The following VSX2 variants were observed in gnomAD, a reference collection of about 807,000 sequenced individuals.
The protein encoded by VSX2 is ceh-10 homeo domain containing homolog.
VSX2 carries 28 observed loss-of-function variants against 32.1 expected under a neutral mutation model. That is an observed-to-expected ratio of 0.87 (90% CI 0.65 to 1.20). The LOEUF (loss-of-function observed/expected upper bound fraction) is 1.20. Ranked by LOEUF, VSX2 falls within the 50% of genes most tolerant of loss-of-function variation. The pLI is 0.00. For missense variants in VSX2, 506 were observed against 488.7 expected (o/e 1.04, Z -0.33); for synonymous variants, 243 against 214.1 (o/e 1.14, Z -1.18).
chr14:74,261,008 G>A lies in VSX2; in HGVS notation c.*89G>A, dbSNP rs550948987. On this transcript the variant is annotated 3_prime_UTR_variant, in exon 5 of 5. Transcript: ENST00000261980. ...GAGATGCTCTCTGAGGCAAGGCCCA[G>A]ACCTGGCCTCTGCCATCCTCCCTGT... 7.1e-5 allele frequency: 104 copies of A among 1,471,798 alleles called. No individual in the cohort carries two copies. The highest frequency in any genetic ancestry group is 9.5e-5 in the Non-Finnish European group (103 of 1,083,070). The allele number at this position is 1,471,798 out of a possible 1,614,324, so 91.2% of individuals were successfully genotyped here.
intron 3 of VSX2, among the ~76,000 whole-genome samples, chr14:74,252,284 C>T (rs1368746370): frequency 6.6e-6 from 1 of 152,218 alleles, no homozygotes; most frequent in Non-Finnish European, 1.5e-5. Context: ...TTCCCTGGGC[C>T]CAGTCTTTCC....
chr14:74,240,013 C>A, intron 1 of VSX2, 82 bp downstream of exon 1: 1 of 1,501,162 alleles, frequency 6.7e-7, no homozygotes, highest in Non-Finnish European at 8.9e-7. Context: ...GCTTGCTGGA[C>A]CAGGCCTCCA....
At position 74,239,708 on chromosome 14, in the gene VSX2, G is replaced by A. The variant is rs1170541720; in HGVS notation, c.147G>A (p.Pro49=). 1.3e-6 allele frequency: 2 copies of A among 1,549,648 alleles called. No individual in the cohort carries two copies. The highest frequency in any genetic ancestry group is 8.7e-7 in the Non-Finnish European group (1 of 1,146,776). Residue 49 remains proline (P), a synonymous_variant, in exon 1 of 5, where the codon CCG becomes CCA. Coordinates refer to ENST00000261980, the MANE Select transcript of VSX2 (RefSeq NM_182894.3). The stretch of plus-strand genomic sequence containing the variant: ...ACAAGGAGCCCCCGAGCTCCCACCC[G>A]CGGGCAGCGCTCGACGGCCTGGCCC... The part of the protein sequence containing the change: ...GLNKEPPSSH[P]RAALDGLAPG...
At chr14:74,240,021 C>T (rs994756854) in intron 1 of VSX2, 90 bp downstream of exon 1, 10 of 1,495,532 alleles carry the variant, frequency 6.7e-6, no homozygotes, top group Non-Finnish European at 8.9e-6. Flanking sequence ...GACCAGGCCT[C>T]CAGGCGGAAA....
Position 74,239,558 on chromosome 14 carries a change from G to C in VSX2, c.-4G>C. On this transcript the variant is annotated 5_prime_UTR_variant, in exon 1 of 5. Transcript: ENST00000261980. ...CGGCCTCAGCCCCTCCAAAGAACAG[G>C]GAGATGACGGGGAAAGCAGGGGAAG... The C allele has an allele frequency of 6.4e-7, 1 of 1,551,146 alleles. No homozygotes were observed. Among genetic ancestry groups the C allele is most frequent in the Non-Finnish European group, 8.7e-7 (1 of 1,146,984 alleles).
intron 3 of VSX2, among the ~76,000 whole-genome samples, chr14:74,245,799 C>G (rs1389761502): frequency 2.0e-5 from 3 of 152,190 alleles, no homozygotes; most frequent in Non-Finnish European, 4.4e-5. Context: ...CTCCATCCAC[C>G]TAAGGCTCCT....
intron 3 of VSX2, among the ~76,000 whole-genome samples, chr14:74,247,830 T>G (rs2079202280): frequency 6.6e-6 from 1 of 151,952 alleles, no homozygotes; most frequent in South Asian, 2.1e-4. Flanking sequence ...AAAACTCACT[T>G]ATATAACAAA....
intron 2 of VSX2, among the ~76,000 whole-genome samples, chr14:74,242,577 A>G (rs1594753634): frequency 6.7e-6 from 1 of 149,722 alleles, no homozygotes; most frequent in African/African-American, 2.4e-5. Context: ...GTTTTATTTT[A>G]AAAGGAAAAA....
At chr14:74,250,476 CAG>C (rs1197580745) in intron 3 of VSX2, among the ~76,000 whole-genome samples, 1 of 152,044 alleles carries the variant, frequency 6.6e-6, no homozygotes. Flanking sequence ...TCGAAGTAAA[CAG>C]AGACTACATT....
chr14:74,240,994 C>T (rs560309482), intron 1 of VSX2, among the ~76,000 whole-genome samples, 188 bp from the exon 2 acceptor site: 56 of 152,320 alleles, frequency 3.7e-4, no homozygotes, highest in Admixed American at 1.5e-3. Flanking sequence ...CGGATTCGGG[C>T]CCCGGCGCGG....
chr14:74,241,140 G>C, intron 1 of VSX2, 42 bp from the exon 2 acceptor site: 1 of 1,598,378 alleles, frequency 6.3e-7, no homozygotes, highest in Non-Finnish European at 8.6e-7. Context: ...ACAGCGGAGC[G>C]CGTCCCCCAC....
chr14:74,240,257 C>A (rs1026206317), intron 1 of VSX2, among the ~76,000 whole-genome samples: 1 of 152,232 alleles, frequency 6.6e-6, no homozygotes, highest in Non-Finnish European at 1.5e-5. Context: ...GAGTCGCCGG[C>A]CGTGTCGGAG....
intron 3 of VSX2, among the ~76,000 whole-genome samples, chr14:74,253,543 C>A (rs1213444829): frequency 3.3e-5 from 5 of 152,238 alleles, no homozygotes; most frequent in African/African-American, 1.2e-4. Context: ...CACTATGTGG[C>A]AGGCATTTCC....
chr14:74,251,478 A>C (rs2079228935), intron 3 of VSX2, among the ~76,000 whole-genome samples: 1 of 152,098 alleles, frequency 6.6e-6, no homozygotes, highest in Non-Finnish European at 1.5e-5. Flanking sequence ...AACAACAAAA[A>C]ATCAAACCTC....
At position 74,261,260 on chromosome 14, in the gene VSX2, C is replaced by T. The variant is rs1008314503; in HGVS notation, c.*341C>T. 3.0e-6 allele frequency: 1 copy of T among 338,132 alleles called. No homozygotes were observed. The highest frequency in any genetic ancestry group is 2.0e-5 in the African/African-American group (1 of 49,044). The allele number at this position is 338,132 out of a possible 1,614,324, so 20.9% of individuals were successfully genotyped here. A position where few individuals can be genotyped will look rare whatever the true frequency, so the allele number is the denominator to read the frequency against. The stretch of plus-strand genomic sequence containing the variant: ...CTGTTCTCTTGCTTTAAAGAGTCCT[C>T]CTTCCCAGCTCTACATTCTGCTCTG... On this transcript the variant is annotated 3_prime_UTR_variant, in exon 5 of 5. Transcript: ENST00000261980.
In VSX2 at chr14:74,239,493, C is replaced by T. The variant is rs973137619; in HGVS notation, c.-69C>T. On this transcript the variant is annotated 5_prime_UTR_variant, in exon 1 of 5. Transcript: ENST00000261980. ...GGCACCTGGGACCAACTTCGCGAAG[C>T]GGGAAGCCCGGCGGGGGGGTGGGGG... 7.8e-6 allele frequency: 12 copies of T among 1,546,052 alleles called. No homozygotes were observed. In the Admixed American group the frequency reaches 2.4e-4, roughly 30 times the overall value.
At chr14:74,248,420 C>A (rs547440908) in intron 3 of VSX2, among the ~76,000 whole-genome samples, 1 of 150,496 alleles carries the variant, frequency 6.6e-6, no homozygotes, top group Non-Finnish European at 1.5e-5. Context: ...GGTGCAGGGG[C>A]TCATGCCGGT....
chr14:74,248,623 A>G (rs2079210088), intron 3 of VSX2, among the ~76,000 whole-genome samples: 1 of 151,950 alleles, frequency 6.6e-6, no homozygotes, highest in Non-Finnish European at 1.5e-5. Flanking sequence ...CCCAAGAGGT[A>G]GAGGCTACAG....
In VSX2 at chr14:74,241,169, G is replaced by T. The variant is rs1192085431; in HGVS notation, c.371-13G>T. The T allele has an allele frequency of 2.5e-6, 4 of 1,612,566 alleles. No homozygotes were observed. The highest frequency in any genetic ancestry group is 1.7e-6 in the Non-Finnish European group (2 of 1,179,830). Reference sequence around the variant, plus strand: ...CCCCCACTCTGCCGCATGTCCCTACGCCCGCTTTTCAGATTCTGAAGATGT... The same window carrying T: ...CCCCCACTCTGCCGCATGTCCCTACTCCCGCTTTTCAGATTCTGAAGATGT... On this transcript the variant is annotated splice_polypyrimidine_tract_variant and intron_variant, in intron 1 of 4. Coordinates refer to ENST00000261980, the MANE Select transcript of VSX2 (RefSeq NM_182894.3).
Sources: allele counts gnomAD v4.1 joint callset (sites outside exome capture counted in the v4.1 genomes callset), GRCh38; gene constraint gnomAD v4.1.1; transcripts MANE v1.5; gene names NCBI Gene and HGNC (gene_info 2026-07-23, HGNC 2026-07-21).